The following DDX59 variants were observed in gnomAD, a reference collection of about 807,000 sequenced individuals.
DDX59 encodes DEAD-box helicase 59.
Under a neutral mutation model 51.9 loss-of-function variants are expected in DDX59, and 30 were observed. The ratio of observed to expected loss-of-function variants is 0.58; its 90% CI spans 0.43 to 0.78. The LOEUF (loss-of-function observed/expected upper bound fraction) is 0.78. Ranked by LOEUF, DDX59 falls within the 30% of genes least tolerant of loss-of-function variation. The pLI, the probability that DDX59 is intolerant of heterozygous loss-of-function variation, is 0.00. For missense variants in DDX59, 672 were observed against 730.8 expected, an observed-to-expected ratio of 0.92 and a Z score of 0.93; for synonymous variants, 255 against 253.3, an observed-to-expected ratio of 1.01 and a Z score of -0.06.
At chr1:200,659,705 T>TTTG (rs994236939) in intron 3 of DDX59, among the ~76,000 whole-genome samples, 2 of 152,160 alleles carry the variant, frequency 1.3e-5, no homozygotes, top group Non-Finnish European at 2.9e-5. Context: ...ATGGGGGCTT[T>TTTG]TTGTTGTTGT....
At chr1:200,654,462 T>G (rs566845429) in intron 4 of DDX59, 1 of 152,142 alleles carries the variant, frequency 6.6e-6, no homozygotes, top group South Asian at 2.1e-4. Context: ...TTGTAGAGAT[T>G]CCTGGCTCCA....
chr1:200,665,950 C>A lies in DDX59; in HGVS notation c.791G>T (p.Arg264Leu). 2 of 1,605,386 alleles carry A rather than the reference C, an allele frequency of 1.2e-6. No homozygotes were observed. Among genetic ancestry groups the A allele is most frequent in the South Asian group, 1.1e-5 (1 of 89,562 alleles). ...TAAFLLPVIM[R>L]ALFESKTPSA... Reference sequence around the variant, plus strand: ...ATTAACACTTACCTCGAATAAAGCTCGCATGATAACAGGAAGAAGAAAAGC... The same window carrying A: ...ATTAACACTTACCTCGAATAAAGCTAGCATGATAACAGGAAGAAGAAAAGC... The change falls in exon 2 of 8, where the codon CGA becomes CTA. Residue 264 changes from arginine (R) to leucine (L), a missense_variant. Physicochemically the swap from Arg to Leu is moderately radical, Grantham distance 102. Transcript: ENST00000331314.
chr1:200,658,059 C>A (rs1291902141), intron 4 of DDX59, among the ~76,000 whole-genome samples: 1 of 152,166 alleles, frequency 6.6e-6, no homozygotes, highest in East Asian at 1.9e-4. Flanking sequence ...GTGTTCTATC[C>A]TACTGCTACT....
At chr1:200,660,787 C>A (rs562274706) in intron 3 of DDX59, among the ~76,000 whole-genome samples, 2 of 152,250 alleles carry the variant, frequency 1.3e-5, no homozygotes, top group African/African-American at 4.8e-5. Flanking sequence ...TGTGAGTCCA[C>A]TGAAACATAC....
intron 5 of DDX59, among the ~76,000 whole-genome samples, chr1:200,650,082 G>T (rs984254924): frequency 1.3e-5 from 2 of 152,050 alleles, no homozygotes; most frequent in Non-Finnish European, 2.9e-5. Context: ...CTGACCTCGT[G>T]ATCTGCCCGC....
At chr1:200,666,998 T>C (rs1226842525) in intron 1 of DDX59, among the ~76,000 whole-genome samples, 1 of 150,124 alleles carries the variant, frequency 6.7e-6, no homozygotes, top group Non-Finnish European at 1.5e-5. Context: ...ATCCCACCTA[T>C]TCGGGAGGCT....
intron 4 of DDX59, chr1:200,654,988 C>T (rs892205933): frequency 1.3e-5 from 2 of 152,170 alleles, no homozygotes; most frequent in African/African-American, 4.8e-5. Flanking sequence ...TTCTAACTTG[C>T]CTCCCTTAGA....
chr1:200,648,293 C>G, intron 7 of DDX59, 146 bp downstream of exon 7: 1 of 1,080,344 alleles, frequency 9.3e-7, no homozygotes. Context: ...GTGATCTGCC[C>G]GCGATGGCCT....
At position 200,644,084 on chromosome 1, in the gene DDX59, GTTT is replaced by G; in HGVS notation, c.*167_*169del. On this transcript the variant is annotated 3_prime_UTR_variant, in exon 8 of 8. Coordinates refer to ENST00000331314, the MANE Select transcript of DDX59 (RefSeq NM_001031725.6). ...TTTATTTAATAATTCATTTTCTGAT[GTTT>G]TTAATTTATAAGAATTAAGGGAAAT... The G allele has an allele frequency of 1.7e-6, 1 of 581,436 alleles. No individual in the cohort carries two copies. The highest frequency in any genetic ancestry group is 2.3e-6 in the Non-Finnish European group (1 of 440,766). The allele number at this position is 581,436 out of a possible 1,614,324, so 36.0% of individuals were successfully genotyped here.
intron 7 of DDX59, among the ~76,000 whole-genome samples, chr1:200,648,085 G>A (rs1024069700): frequency 5.4e-5 from 8 of 147,476 alleles, no homozygotes; most frequent in Admixed American, 1.4e-4. Flanking sequence ...GTGCAGTGGC[G>A]TGATCTCGGC....
At chr1:200,662,988 T>G (rs1458180892) in intron 3 of DDX59, among the ~76,000 whole-genome samples, 2 of 152,242 alleles carry the variant, frequency 1.3e-5, no homozygotes, top group Non-Finnish European at 2.9e-5. Flanking sequence ...ACCTGTAATT[T>G]CTTAAAACAA....
Position 200,666,183 on chromosome 1 carries a change from T to C in DDX59, c.558A>G (p.Lys186=), listed in dbSNP as rs1185340098. Residue 186 remains lysine (K), a synonymous_variant, in exon 2 of 8, where the codon AAA becomes AAG. Transcript: ENST00000331314. ...CTTGAACTAAAATTCCCAGCTGCTG[T>C]TTAAGATTTTCAATCTGGTCTTCCT... ...NLQEDQIENL[K]QQLGILVQGQ... 6.2e-7 allele frequency: 1 copy of C among 1,614,076 alleles called. No homozygotes were observed. Among genetic ancestry groups the C allele is most frequent in the Non-Finnish European group, 8.5e-7 (1 of 1,180,036 alleles).
intron 5 of DDX59, 37 bp from the exon 6 acceptor site, chr1:200,649,263 A>G (rs1553267791): frequency 2.7e-6 from 4 of 1,490,440 alleles, no homozygotes; most frequent in Non-Finnish European, 3.6e-6. Flanking sequence ...AATTATTCAT[A>G]TAAAATAATT....
At chr1:200,650,722 C>G in intron 4 of DDX59, 46 bp from the exon 5 acceptor site, 1 of 1,474,702 alleles carries the variant, frequency 6.8e-7, no homozygotes. Context: ...ACATTAAAAC[C>G]CAGAACCACC....
At chr1:200,645,301 C>A in intron 7 of DDX59, among the ~76,000 whole-genome samples, 1 of 151,266 alleles carries the variant, frequency 6.6e-6, no homozygotes, top group East Asian at 1.9e-4. Context: ...TTTTTTGAGG[C>A]GGAGTCTCAC....
chr1:200,650,882 T>TATTA (rs1661617550), intron 4 of DDX59, among the ~76,000 whole-genome samples: 1 of 152,210 alleles, frequency 6.6e-6, no homozygotes, highest in Non-Finnish European at 1.5e-5. Flanking sequence ...CAAAGATTGT[T>TATTA]ATTATTGGCA....
chr1:200,649,355 G>A lies in DDX59; in HGVS notation c.1315-129C>T, dbSNP rs140435177. 468 of 924,978 alleles carry A rather than the reference G, an allele frequency of 5.1e-4. 2 individuals carry two copies. The African/African-American group carries it at 6.7e-3, about 13-fold the overall frequency. 57.3% of individuals were successfully genotyped at this position (924,978 alleles called of 1,614,324 possible). ...AATATTGTTAAGAAGGAGGCTGGGC[G>A]CGGTGGCTCACACCTGTAATCTCAG... On this transcript the variant is annotated intron_variant, in intron 5 of 7. Transcript: ENST00000331314.
chr1:200,664,565 C>G (rs898441569), intron 2 of DDX59, among the ~76,000 whole-genome samples: 6 of 152,120 alleles, frequency 3.9e-5, no homozygotes, highest in African/African-American at 1.4e-4. Flanking sequence ...TTTTGGTCTT[C>G]CAGCATGCGT....
rs1558129400 is a variant in DDX59 at position 200,663,972 on chromosome 1, CAAG to C, written c.916_918del (p.Leu306del). ...TGTGGGGGTAAGGGTAAGCCCCCTA[CAAG>C]AAGCACAGTTTTCATGCGTGGCAGG... is the stretch of plus-strand genomic sequence containing the variant. On this transcript the variant is annotated inframe_deletion, in exon 3 of 8. Transcript: ENST00000331314. 3.7e-6 allele frequency: 6 copies of C among 1,614,080 alleles called. No homozygotes were observed. The highest frequency in any genetic ancestry group is 3.3e-5 in the South Asian group (3 of 91,086).
Sources: gnomAD v4.1 joint callset for allele counts (sites outside exome capture counted in the v4.1 genomes callset) on GRCh38, gnomAD v4.1.1 for gene constraint, MANE v1.5 for transcripts, NCBI Gene and HGNC (gene_info 2026-07-23, HGNC 2026-07-21) for gene names.